Variants in BACH2 observed in about 807,000 individuals in gnomAD.
BACH2 encodes BACH transcriptional regulator 2.
BACH2 carries 5 observed loss-of-function variants against 61.8 expected under a neutral mutation model. The observed-to-expected ratio is 0.08, with a 90% CI of 0.04 to 0.17. The LOEUF (loss-of-function observed/expected upper bound fraction) is 0.17, where lower values mean the gene tolerates loss of function less well. BACH2 is among the 10% of genes least tolerant of loss of function. The pLI is 1.00. For synonymous variants in BACH2, 446 were observed against 440.1 expected (o/e 1.01, Z -0.17); for missense variants, 824 against 1,091.1 (o/e 0.76, Z 3.45).
At position 90,255,346 on chromosome 6, in the gene BACH2, G is replaced by T. The variant is rs191659401; in HGVS notation, c.-352-2756C>A. ...TGTGCTAAGAGCAAGTAAGTACTAG[G>T]AAGTCACAGTTCTATCATCAAGTTT... On this transcript the variant is annotated intron_variant, in intron 2 of 8. Transcript: ENST00000257749. Among the ~76,000 whole-genome samples the T allele has an allele frequency of 3.9e-5, 6 of 152,210 alleles. No individual in the cohort carries two copies. The East Asian group carries it at 1.2e-3, about 29-fold the overall frequency.
intron 5 of BACH2, among the ~76,000 whole-genome samples, chr6:90,047,925 C>G (rs1406466969): frequency 6.6e-6 from 1 of 152,150 alleles, no homozygotes; most frequent in African/African-American, 2.4e-5. Flanking sequence ...CTGAAAGTCT[C>G]TTGGTAAATC....
intron 5 of BACH2, among the ~76,000 whole-genome samples, chr6:90,058,894 A>G (rs1780524845): frequency 6.6e-6 from 1 of 152,260 alleles, no homozygotes; most frequent in Non-Finnish European, 1.5e-5. Flanking sequence ...TATTTAATAA[A>G]TGGTGCTGGG....
intron 3 of BACH2, among the ~76,000 whole-genome samples, chr6:90,227,614 G>C (rs1162091086): frequency 6.6e-6 from 1 of 152,286 alleles, no homozygotes; most frequent in African/African-American, 2.4e-5. Flanking sequence ...GATGTAGACA[G>C]ACAGAATTAG....
At chr6:90,165,335 C>T (rs148804930) in intron 4 of BACH2, among the ~76,000 whole-genome samples, 5,339 of 152,218 alleles carry the variant, frequency 0.035, 141 homozygotes, top group East Asian at 0.088. Flanking sequence ...ATAAAATACT[C>T]AGGAATCCAA....
intron 5 of BACH2, among the ~76,000 whole-genome samples, chr6:90,051,910 A>C (rs1166538209): frequency 6.6e-6 from 1 of 152,200 alleles, no homozygotes; most frequent in Non-Finnish European, 1.5e-5. Flanking sequence ...ATTCAATTCT[A>C]AGTATTTTAA....
chr6:89,941,985 A>C (rs552031884), intron 7 of BACH2, among the ~76,000 whole-genome samples: 1 of 152,328 alleles, frequency 6.6e-6, no homozygotes, highest in African/African-American at 2.4e-5. Context: ...AAAGCCATAC[A>C]ACACTTCAGC....
chr6:89,972,008 G>A (rs1456705800), intron 6 of BACH2, among the ~76,000 whole-genome samples: 1 of 152,200 alleles, frequency 6.6e-6, no homozygotes, highest in Non-Finnish European at 1.5e-5. Flanking sequence ...GCCTGAGGGA[G>A]GATTAGTTAG....
chr6:90,217,626 T>TATTCTTTTATGC (rs1769584693), intron 3 of BACH2, among the ~76,000 whole-genome samples: 1 of 152,216 alleles, frequency 6.6e-6, no homozygotes, highest in African/African-American at 2.4e-5. Flanking sequence ...ATCTACTCAC[T>TATTCTTTTATGC]ATTCTTTTAT....
chr6:90,150,042 G>A (rs1784758318), intron 4 of BACH2, among the ~76,000 whole-genome samples: 1 of 152,048 alleles, frequency 6.6e-6, no homozygotes, highest in African/African-American at 2.4e-5. Context: ...CTCACTGCAG[G>A]GTTAATGAAA....
chr6:90,031,693 T>A (rs1290477180), intron 5 of BACH2, among the ~76,000 whole-genome samples: 1 of 152,032 alleles, frequency 6.6e-6, no homozygotes, highest in Non-Finnish European at 1.5e-5. Context: ...CACTGCTCAA[T>A]GAAATAAAAG....
At chr6:90,051,138 C>G (rs1780027658) in intron 5 of BACH2, among the ~76,000 whole-genome samples, 1 of 152,058 alleles carries the variant, frequency 6.6e-6, no homozygotes, top group Admixed American at 6.6e-5. Context: ...TTAAACAATA[C>G]AATTTTAGTT....
At chr6:90,160,408 C>T (rs1032439541) in intron 4 of BACH2, among the ~76,000 whole-genome samples, 14 of 152,188 alleles carry the variant, frequency 9.2e-5, no homozygotes, top group African/African-American at 3.4e-4. Context: ...GCCATCATAA[C>T]ATTTATTTAA....
chr6:90,235,762 C>T lies in BACH2; in HGVS notation c.-275+16751G>A, dbSNP rs146596351. On this transcript the variant is annotated intron_variant, in intron 3 of 8. Transcript: ENST00000257749. ...CCCTTAGAGACAATTAGAAAGGATG[C>T]ATTTACTCAGAATTTAGTAAGTTCT... 4.7e-3 allele frequency among the ~76,000 whole-genome samples: 714 copies of T among 152,330 alleles called. 9 individuals are homozygous for T. The highest frequency in any genetic ancestry group is 0.016 in the African/African-American group (686 of 41,580).
chr6:90,296,297 C>A (rs537098554), intron 1 of BACH2, among the ~76,000 whole-genome samples, 183 bp downstream of exon 1: 1 of 151,758 alleles, frequency 6.6e-6, no homozygotes, highest in Non-Finnish European at 1.5e-5. Context: ...CTTCCCGTTC[C>A]TAGAAAATGC....
At chr6:90,235,259 A>G (rs1450824003) in intron 3 of BACH2, among the ~76,000 whole-genome samples, 1 of 152,214 alleles carries the variant, frequency 6.6e-6, no homozygotes, top group Non-Finnish European at 1.5e-5. Flanking sequence ...TATTGAGTCC[A>G]TCTGCATGGG....
At chr6:90,174,095 T>C (rs1484656845) in intron 4 of BACH2, among the ~76,000 whole-genome samples, 1 of 152,076 alleles carries the variant, frequency 6.6e-6, no homozygotes, top group Non-Finnish European at 1.5e-5. Flanking sequence ...TTCAAAAATA[T>C]ATAAACCCAA....
chr6:90,087,546 C>T (rs1438680685), intron 5 of BACH2, among the ~76,000 whole-genome samples: 2 of 152,126 alleles, frequency 1.3e-5, no homozygotes, highest in African/African-American at 4.8e-5. Flanking sequence ...CTACTTTTTT[C>T]TATTAACGTG....
At chr6:90,259,077 C>T (rs1771076125) in intron 2 of BACH2, among the ~76,000 whole-genome samples, 1 of 152,072 alleles carries the variant, frequency 6.6e-6, no homozygotes, top group African/African-American at 2.4e-5. Context: ...TATCTAATTA[C>T]TATTGCTGGT....
At chr6:90,052,914 T>C (rs1780124782) in intron 5 of BACH2, among the ~76,000 whole-genome samples, 1 of 152,368 alleles carries the variant, frequency 6.6e-6, no homozygotes, top group South Asian at 2.1e-4. Flanking sequence ...TATATTGTGA[T>C]TGCTGATATA....
Sources: gnomAD v4.1 joint callset for allele counts (sites outside exome capture counted in the v4.1 genomes callset) on GRCh38, gnomAD v4.1.1 for gene constraint, MANE v1.5 for transcripts, NCBI Gene and HGNC (gene_info 2026-07-23, HGNC 2026-07-21) for gene names.